MATN2: variants seen among roughly 807,000 people sequenced by gnomAD.
MATN2 encodes the protein matrilin-2.
In MATN2, 69 loss-of-function variants were observed where a neutral mutation model predicts 103.2. That is an observed-to-expected ratio of 0.67 (90% confidence interval 0.55 to 0.82). The LOEUF is 0.82. Among genes scored for constraint, MATN2 ranks in the 40% least tolerant of loss-of-function variants. MATN2 has a pLI of 0.00. For synonymous variants in MATN2, 429 were observed against 450.2 expected (o/e 0.95, Z 0.60); for missense variants, 1,023 against 1,211.5 (o/e 0.84, Z 2.31).
intron 10 of MATN2, among the ~76,000 whole-genome samples, chr8:98,012,591 C>A (rs746904013): frequency 1.3e-5 from 2 of 152,104 alleles, no homozygotes; most frequent in Non-Finnish European, 2.9e-5. Context: ...GGGTGAGAAA[C>A]GAGCCTGGGG....
At chr8:97,917,234 G>A (rs1022449294) in intron 2 of MATN2, among the ~76,000 whole-genome samples, 1 of 152,124 alleles carries the variant, frequency 6.6e-6, no homozygotes, top group Non-Finnish European at 1.5e-5. Context: ...CTATCTCCAT[G>A]GGCAGATGGA....
intron 10 of MATN2, among the ~76,000 whole-genome samples, chr8:98,008,682 C>T (rs2444894): frequency 0.11 from 16,802 of 152,212 alleles, 959 homozygotes; most frequent in East Asian, 0.19. Flanking sequence ...AGGGAGGGAT[C>T]GGGCACAGGG....
In MATN2 at chr8:98,008,247, T is replaced by A. The variant is rs111579226; in HGVS notation, c.1573+646T>A. 5.7e-3 allele frequency among the ~76,000 whole-genome samples: 711 copies of A among 124,818 alleles called. 8 individuals carry two copies. The highest frequency in any genetic ancestry group is 0.021 in the African/African-American group (669 of 32,474). 81.9% of individuals were successfully genotyped at this position (124,818 alleles called of 152,430 possible). On this transcript the variant is annotated intron_variant, in intron 10 of 18. Coordinates refer to ENST00000254898, the MANE Select transcript of MATN2 (RefSeq NM_002380.5). ...CTTGTCTCAATTAAAAAAAAAAAAATTGCTCCCAGACCTCCTTCTCTCCTT... is the reference window on the plus strand; with the variant it reads ...CTTGTCTCAATTAAAAAAAAAAAAAATGCTCCCAGACCTCCTTCTCTCCTT...
intron 2 of MATN2, among the ~76,000 whole-genome samples, chr8:97,907,789 G>T (rs772145956): frequency 2.0e-5 from 3 of 152,166 alleles, no homozygotes; most frequent in Non-Finnish European, 4.4e-5. Context: ...CACATAGAGG[G>T]CTTGGCACAG....
At chr8:97,962,561 C>G (rs1811350913) in intron 5 of MATN2, among the ~76,000 whole-genome samples, 1 of 152,160 alleles carries the variant, frequency 6.6e-6, no homozygotes, top group African/African-American at 2.4e-5. Flanking sequence ...CTGCCTCTGA[C>G]TCTCATCAAA....
chr8:97,898,318 G>C (rs916682720), intron 2 of MATN2, among the ~76,000 whole-genome samples: 1 of 152,042 alleles, frequency 6.6e-6, no homozygotes, highest in African/African-American at 2.4e-5. Flanking sequence ...GATGACGGCC[G>C]GGTGCGGTGG....
rs932764365 is a variant in MATN2, at chr8:98,027,845, G to A, written c.2356+16G>A. 5 of 1,539,902 alleles carry A rather than the reference G, an allele frequency of 3.2e-6. No individual in the cohort carries two copies. The highest frequency in any genetic ancestry group is 2.6e-5 in the South Asian group (2 of 77,862). ...AAGGCCAATGGTAATATGGGGTGGA[G>A]GTGCGGTTTACACCACTCAAGGTTC... On this transcript the variant is annotated intron_variant, in intron 14 of 18. Coordinates refer to ENST00000254898, the MANE Select transcript of MATN2 (RefSeq NM_002380.5).
At chr8:97,990,202 A>G (rs1188873139) in intron 6 of MATN2, among the ~76,000 whole-genome samples, 1 of 151,162 alleles carries the variant, frequency 6.6e-6, no homozygotes, top group African/African-American at 2.4e-5. Flanking sequence ...AAAAAAAAAA[A>G]GACAAGCCAC....
Position 98,005,477 on chromosome 8 carries a change from A to G in MATN2, c.1328-1628A>G, listed in dbSNP as rs1226820861. On this transcript the variant is annotated intron_variant, in intron 8 of 18. Coordinates refer to ENST00000254898, the MANE Select transcript of MATN2 (RefSeq NM_002380.5). The surrounding 1 kb of genome is among the most constrained non-coding windows in gnomAD (Gnocchi z 4.6). ...GCTGAGCCCACGCAGATCACCAGGG[A>G]CATGGCTTGACTGCCCCTCCCAGCA... is the stretch of plus-strand genomic sequence containing the variant. Among the ~76,000 whole-genome samples, 3 of 152,140 alleles carry G rather than the reference A, an allele frequency of 2.0e-5. No individual in the cohort carries two copies. Among genetic ancestry groups the G allele is most frequent in the Admixed American group, 6.5e-5 (1 of 15,276 alleles).
intron 2 of MATN2, among the ~76,000 whole-genome samples, chr8:97,890,049 G>C (rs923437808): frequency 2.0e-5 from 3 of 152,162 alleles, no homozygotes; most frequent in Non-Finnish European, 4.4e-5. Context: ...CAGAGACAAA[G>C]AGGAGGATGG....
rs180999705 is a variant in MATN2, at chr8:97,933,286, A to C, written c.712+1764A>C. Among the ~76,000 whole-genome samples, 846 of 152,354 alleles carry C rather than the reference A, an allele frequency of 5.6e-3. 6 individuals carry two copies. Among genetic ancestry groups the C allele is most frequent in the African/African-American group, 0.019 (780 of 41,586 alleles). ...CAGCTGGAACACTTCAATCAGCAGAACACACTGCAAACATTTTCAAGGTTT... is the reference window on the plus strand; with the variant it reads ...CAGCTGGAACACTTCAATCAGCAGACCACACTGCAAACATTTTCAAGGTTT... On this transcript the variant is annotated intron_variant, in intron 3 of 18. Transcript: ENST00000254898.
chr8:97,919,377 TG>T (rs1453699048), intron 2 of MATN2, among the ~76,000 whole-genome samples: 7 of 151,998 alleles, frequency 4.6e-5, no homozygotes, highest in African/African-American at 1.7e-4. Flanking sequence ...GGATTACAGG[TG>T]CCCGCCACCA....
chr8:97,949,437 G>A (rs1418859425), intron 4 of MATN2, among the ~76,000 whole-genome samples: 1 of 152,008 alleles, frequency 6.6e-6, no homozygotes, highest in Non-Finnish European at 1.5e-5. Flanking sequence ...GCCTCCCAAA[G>A]TGCTGGGATT....
chr8:98,012,006 AAGG>A (rs1229852738), intron 10 of MATN2, among the ~76,000 whole-genome samples: 3 of 152,336 alleles, frequency 2.0e-5, no homozygotes, highest in African/African-American at 7.2e-5. Flanking sequence ...TTATGTGTAA[AAGG>A]AGGAGAATCC....
chr8:98,021,053 G>A (rs1813571049), intron 12 of MATN2, 152 bp from the exon 13 acceptor site: 3 of 654,798 alleles, frequency 4.6e-6, no homozygotes, highest in Non-Finnish European at 7.5e-6. Flanking sequence ...CCCATCCTGA[G>A]TATGAGACTG....
chr8:97,912,571 C>T (rs1809483615), intron 2 of MATN2, among the ~76,000 whole-genome samples: 1 of 151,980 alleles, frequency 6.6e-6, no homozygotes, highest in African/African-American at 2.4e-5. Context: ...ACAGAGTTTC[C>T]AAGCAAATTG....
chr8:97,953,947 G>A (rs1490383249), intron 4 of MATN2, among the ~76,000 whole-genome samples: 2 of 152,066 alleles, frequency 1.3e-5, no homozygotes, highest in African/African-American at 4.8e-5. Context: ...GGGTGACAGA[G>A]CCAGACCTTG....
intron 2 of MATN2, among the ~76,000 whole-genome samples, chr8:97,893,514 G>A (rs1818703720): frequency 6.6e-6 from 1 of 152,076 alleles, no homozygotes; most frequent in African/African-American, 2.4e-5. Context: ...GGGTATATCA[G>A]CCTTTTTGGA....
At chr8:97,979,084 T>G in intron 6 of MATN2, 76 bp downstream of exon 6, 2 of 1,469,824 alleles carry the variant, frequency 1.4e-6, no homozygotes, top group African/African-American at 2.8e-5. Context: ...TGGAACTCTC[T>G]CAAGTATAGA....
Sources: gnomAD v4.1 joint callset for allele counts (sites outside exome capture counted in the v4.1 genomes callset) on GRCh38, gnomAD v4.1.1 for gene constraint, Gnocchi (gnomAD v3.1) non-coding constraint, MANE v1.5 for transcripts, NCBI Gene and HGNC (gene_info 2026-07-23, HGNC 2026-07-21) for gene names.